Variants in GSTCD observed in about 807,000 individuals in gnomAD.
GSTCD encodes the protein glutathione S-transferase C-terminal domain containing.
In GSTCD, 44 loss-of-function variants were observed where a neutral mutation model predicts 68.3. The observed-to-expected ratio is 0.64, with a 90% CI of 0.51 to 0.83. The LOEUF (loss-of-function observed/expected upper bound fraction) is 0.83. Ranked by LOEUF, GSTCD falls within the 40% of genes least tolerant of loss-of-function variation. GSTCD has a pLI of 0.00. For synonymous variants in GSTCD, 273 were observed against 255.2 expected, an observed-to-expected ratio of 1.07 and a Z score of -0.67; for missense variants, 739 against 735.9, an observed-to-expected ratio of 1.00 and a Z score of -0.05.
At chr4:105,842,543 A>G (rs544822312) in intron 11 of GSTCD, among the ~76,000 whole-genome samples, 1 of 152,324 alleles carries the variant, frequency 6.6e-6, no homozygotes, top group Non-Finnish European at 1.5e-5. Context: ...GAAAAAGGAT[A>G]CTTGTGTATT....
chr4:105,800,236 G>A (rs1736055857), intron 5 of GSTCD, among the ~76,000 whole-genome samples: 1 of 152,122 alleles, frequency 6.6e-6, no homozygotes, highest in South Asian at 2.1e-4. Flanking sequence ...ATGGCGGCAG[G>A]CAAGAAGAGA....
At chr4:105,797,760 CTTTTTT>C (rs70941218) in intron 5 of GSTCD, among the ~76,000 whole-genome samples, 2 of 84,950 alleles carry the variant, frequency 2.4e-5, no homozygotes, top group African/African-American at 9.5e-5. Context: ...CACAATAGAA[CTTTTTT>C]TTTTTTTTTT....
At chr4:105,810,678 G>T (rs961809273) in intron 5 of GSTCD, among the ~76,000 whole-genome samples, 20 of 151,996 alleles carry the variant, frequency 1.3e-4, no homozygotes, top group African/African-American at 4.8e-4. Flanking sequence ...GTTTTCCTAT[G>T]TTAATTTTCA....
At chr4:105,765,403 G>T (rs1329489138) in intron 5 of GSTCD, among the ~76,000 whole-genome samples, 1 of 152,138 alleles carries the variant, frequency 6.6e-6, no homozygotes, top group African/African-American at 2.4e-5. Flanking sequence ...CCACTCTCAA[G>T]CACTCAATGA....
In GSTCD at chr4:105,817,243, T is replaced by C. The variant is rs1723038822; in HGVS notation, c.1241-5711T>C. 3.3e-5 allele frequency among the ~76,000 whole-genome samples: 5 copies of C among 151,842 alleles called. No individual in the cohort carries two copies. In the South Asian group the frequency reaches 1.0e-3, roughly 31 times the overall value. On this transcript the variant is annotated intron_variant, in intron 5 of 11. Transcript: ENST00000515279. ...AGAGAACAGTTCTATATAGGCCAAG[T>C]TAGTTGTTTGATGTGTTGAATGAAT...
At chr4:105,800,675 A>G (rs769615422) in intron 5 of GSTCD, among the ~76,000 whole-genome samples, 3 of 152,216 alleles carry the variant, frequency 2.0e-5, no homozygotes, top group African/African-American at 2.4e-5. Flanking sequence ...ATTGATGTCA[A>G]TTGCTATTGA....
chr4:105,749,609 CAAAA>C (rs796071636), intron 5 of GSTCD, among the ~76,000 whole-genome samples: 5 of 113,698 alleles, frequency 4.4e-5, no homozygotes, highest in Admixed American at 2.7e-4. Flanking sequence ...CATCCATAGG[CAAAA>C]AAAAAAAAAA....
At chr4:105,831,000 C>T (rs1214281701) in intron 8 of GSTCD, among the ~76,000 whole-genome samples, 1 of 152,180 alleles carries the variant, frequency 6.6e-6, no homozygotes, top group African/African-American at 2.4e-5. Flanking sequence ...AACAGATTTT[C>T]AGGAAGTAAA....
intron 5 of GSTCD, among the ~76,000 whole-genome samples, chr4:105,813,842 C>T (rs1722854872): frequency 6.6e-6 from 1 of 152,066 alleles, no homozygotes; most frequent in Non-Finnish European, 1.5e-5. Context: ...AAATATTCAC[C>T]TAGTCAATTT....
At chr4:105,732,681 T>C (rs1733294056) in intron 5 of GSTCD, among the ~76,000 whole-genome samples, 1 of 152,172 alleles carries the variant, frequency 6.6e-6, no homozygotes, top group African/African-American at 2.4e-5. Flanking sequence ...TTTTTGTGTC[T>C]CTATCTCCTT....
At chr4:105,713,639 A>C (rs1447776605) in intron 1 of GSTCD, among the ~76,000 whole-genome samples, 3 of 152,200 alleles carry the variant, frequency 2.0e-5, no homozygotes, top group Non-Finnish European at 4.4e-5. Context: ...GAAGTAATGC[A>C]CATGTTCTGT....
intron 5 of GSTCD, among the ~76,000 whole-genome samples, chr4:105,781,296 T>C (rs1384745642): frequency 1.3e-5 from 2 of 152,178 alleles, no homozygotes; most frequent in Admixed American, 6.6e-5. Context: ...GTTTCCAGGC[T>C]GGAATGCAGT....
chr4:105,803,958 G>A (rs1450327815), intron 5 of GSTCD, among the ~76,000 whole-genome samples: 3 of 151,970 alleles, frequency 2.0e-5, no homozygotes, highest in African/African-American at 4.8e-5. Context: ...TTAGGGATAT[G>A]TACATAGGAC....
intron 8 of GSTCD, among the ~76,000 whole-genome samples, chr4:105,829,101 T>C (rs1175378372): frequency 6.6e-6 from 1 of 151,454 alleles, no homozygotes; most frequent in Admixed American, 6.6e-5. Context: ...CAGGATCATT[T>C]CCACAATCAT....
chr4:105,831,960 TA>T (rs1560852877), intron 8 of GSTCD, among the ~76,000 whole-genome samples: 2 of 152,118 alleles, frequency 1.3e-5, no homozygotes, highest in African/African-American at 4.8e-5. Context: ...TAAATAAAAA[TA>T]AATTTTATTT....
chr4:105,710,319 C>G (rs148858103), intron 1 of GSTCD, among the ~76,000 whole-genome samples: 2 of 137,946 alleles, frequency 1.4e-5, no homozygotes, highest in Admixed American at 1.5e-4. Context: ...CTCCCGGGCT[C>G]AAGCAATTCT....
chr4:105,813,088 C>G (rs1450058387), intron 5 of GSTCD, among the ~76,000 whole-genome samples: 3 of 152,132 alleles, frequency 2.0e-5, no homozygotes, highest in African/African-American at 7.2e-5. Context: ...CTGGCTCCAT[C>G]ATGGAGTAAC....
chr4:105,756,493 CAT>C (rs1319320495), intron 5 of GSTCD, among the ~76,000 whole-genome samples: 9 of 62,170 alleles, frequency 1.4e-4, no homozygotes, highest in South Asian at 7.0e-4. Context: ...GACCTATGCA[CAT>C]ACACACACAC....
chr4:105,780,127 A>C (rs916273814), intron 5 of GSTCD, among the ~76,000 whole-genome samples: 8 of 152,174 alleles, frequency 5.3e-5, no homozygotes, highest in Admixed American at 4.6e-4. Context: ...AGGAACACAA[A>C]ATGTGTTTCT....
Sources: allele counts gnomAD v4.1 joint callset (sites outside exome capture counted in the v4.1 genomes callset), GRCh38; gene constraint gnomAD v4.1.1; transcripts MANE v1.5; gene names NCBI Gene and HGNC (gene_info 2026-07-23, HGNC 2026-07-21).